Variants in RALY observed in about 807,000 individuals in gnomAD.
RALY encodes the protein RNA-binding protein Raly.
In RALY, 15 loss-of-function variants were observed where a neutral mutation model predicts 30.7. That is an observed-to-expected ratio of 0.49 (90% CI 0.33 to 0.75). The LOEUF is 0.75. RALY is among the 30% of genes least tolerant of loss of function. The pLI is 0.02. For missense variants in RALY, 339 were observed against 414.3 expected (o/e 0.82, Z 1.58); for synonymous variants, 177 against 170.8 (o/e 1.04, Z -0.28).
intron 2 of RALY, among the ~76,000 whole-genome samples, chr20:34,043,907 C>T (rs1328598061): frequency 6.6e-6 from 1 of 151,904 alleles, no homozygotes; most frequent in East Asian, 1.9e-4. Context: ...TGAATGGAAA[C>T]CTGGAGAGAG....
intron 3 of RALY, 99 bp downstream of exon 3, chr20:34,072,429 C>A (rs1250573967): frequency 7.2e-7 from 1 of 1,387,202 alleles, no homozygotes. Flanking sequence ...ACCGCTACCA[C>A]TGCTCTGAGA....
intron 2 of RALY, among the ~76,000 whole-genome samples, chr20:34,070,384 T>C (rs1176224931): frequency 6.6e-6 from 1 of 152,156 alleles, no homozygotes; most frequent in Non-Finnish European, 1.5e-5. Context: ...TCTTGGAGCC[T>C]ATGCCCAGCC....
At chr20:34,034,240 T>C (rs568657408) in intron 2 of RALY, among the ~76,000 whole-genome samples, 1 of 152,344 alleles carries the variant, frequency 6.6e-6, no homozygotes, top group Admixed American at 6.5e-5. Context: ...CCAGTTTTTC[T>C]ACCATCTTGT....
intron 2 of RALY, among the ~76,000 whole-genome samples, chr20:34,032,862 G>T (rs964912038): frequency 2.1e-4 from 32 of 152,070 alleles, no homozygotes; most frequent in African/African-American, 7.5e-4. Flanking sequence ...AGTTCAAGAA[G>T]GCCTACTTAC....
At chr20:34,076,657 C>T (rs2033886358) in intron 6 of RALY, 45 bp from the exon 7 acceptor site, 1 of 1,524,074 alleles carries the variant, frequency 6.6e-7, no homozygotes, top group Non-Finnish European at 9.1e-7. Flanking sequence ...TAGTGTCAAG[C>T]CTCCAGCCCC....
intron 1 of RALY, among the ~76,000 whole-genome samples, chr20:34,021,066 A>G (rs1327208925): frequency 6.6e-6 from 1 of 151,790 alleles, no homozygotes; most frequent in Non-Finnish European, 1.5e-5. Context: ...GGTTCAAGCG[A>G]TTCTTGTGCC....
chr20:34,021,041 A>G (rs2031799692), intron 1 of RALY, among the ~76,000 whole-genome samples: 1 of 152,016 alleles, frequency 6.6e-6, no homozygotes, highest in Admixed American at 6.5e-5. Context: ...GGCTCACTGC[A>G]ACCTCCGCCT....
At chr20:34,060,841 C>G (rs2033395549) in intron 2 of RALY, among the ~76,000 whole-genome samples, 1 of 152,174 alleles carries the variant, frequency 6.6e-6, no homozygotes, top group African/African-American at 2.4e-5. Flanking sequence ...AAGCAAAAAG[C>G]AGTTTTGTAC....
At chr20:34,073,531 GCATTCCAA>G (rs2033790933) in intron 3 of RALY, 24 bp from the exon 4 acceptor site, 4 of 1,532,642 alleles carry the variant, frequency 2.6e-6, no homozygotes, top group Non-Finnish European at 3.6e-6. Flanking sequence ...TGTCATGTTA[GCATTCCAA>G]CTCTGCCTTC....
At chr20:34,032,590 G>A (rs1355264232) in intron 2 of RALY, among the ~76,000 whole-genome samples, 2 of 151,970 alleles carry the variant, frequency 1.3e-5, no homozygotes, top group African/African-American at 4.8e-5. Flanking sequence ...GGGCTCGTGT[G>A]ATTCAAGTGG....
At chr20:33,998,095 G>A (rs1365272062) in intron 1 of RALY, among the ~76,000 whole-genome samples, 1 of 152,188 alleles carries the variant, frequency 6.6e-6, no homozygotes, top group African/African-American at 2.4e-5. Context: ...CCTCATTTTT[G>A]GAAAGTTTTT....
At position 34,077,030 on chromosome 20, in the gene RALY, G is replaced by A; in HGVS notation, c.661G>A (p.Gly221Ser). The A allele has an allele frequency of 1.9e-6, 3 of 1,609,402 alleles. No homozygotes were observed. Among genetic ancestry groups the A allele is most frequent in the South Asian group, 1.1e-5 (1 of 90,552 alleles). Residue 221 changes from glycine to serine, a missense_variant and splice_region_variant, in exon 8 of 10, where the codon GGC (glycine) becomes AGC (serine). Gly to Ser is a moderately conservative substitution (Grantham distance 56). Coordinates refer to ENST00000246194, the MANE Select transcript of RALY (RefSeq NM_016732.3). ...IAAEQKANPD[G>S]KKKGDGGGAG... ...CTCCTCCACCCCTTCCCCTCAAGAT[G>A]GCAAGAAGAAGGGTGATGGAGGTGG...
chr20:34,073,923 G>C, intron 5 of RALY, 57 bp downstream of exon 5: 1 of 1,573,408 alleles, frequency 6.4e-7, no homozygotes, highest in East Asian at 2.2e-5. Flanking sequence ...AGGGTCTTGA[G>C]AGATTGTTGG....
intron 2 of RALY, among the ~76,000 whole-genome samples, chr20:34,035,163 A>AAAC (rs2032438362): frequency 8.7e-6 from 1 of 114,354 alleles, no homozygotes; most frequent in Non-Finnish European, 1.6e-5. Flanking sequence ...AAAAAAAAAA[A>AAAC]AAAAAAAAAA....
chr20:34,074,468 T>C (rs554615475), intron 5 of RALY, among the ~76,000 whole-genome samples: 1 of 152,086 alleles, frequency 6.6e-6, no homozygotes, highest in Non-Finnish European at 1.5e-5. Flanking sequence ...TCCTCCCTGC[T>C]TCTCTCCCTC....
At position 34,063,262 on chromosome 20, in the gene RALY, G is replaced by A. The variant is rs1051263980; in HGVS notation, c.-9-8804G>A. Among the ~76,000 whole-genome samples, 5 of 152,184 alleles carry A rather than the reference G, an allele frequency of 3.3e-5. 1 individual carries two copies. Among genetic ancestry groups the A allele is most frequent in the East Asian group, 1.9e-4 (1 of 5,202 alleles). ...TCATGATCACATGTTTGGGCCTGGA[G>A]TACCTTTTGTGGTCACATGGTTTAA... On this transcript the variant is annotated intron_variant, in intron 2 of 9. Coordinates refer to ENST00000246194, the MANE Select transcript of RALY (RefSeq NM_016732.3).
chr20:34,010,736 G>A (rs1436997507), intron 1 of RALY, among the ~76,000 whole-genome samples: 2 of 152,178 alleles, frequency 1.3e-5, no homozygotes, highest in Non-Finnish European at 2.9e-5. Context: ...GTGATGCTAA[G>A]TAGAATTTTT....
chr20:34,007,018 A>T (rs1568650828), intron 1 of RALY, among the ~76,000 whole-genome samples: 1 of 151,846 alleles, frequency 6.6e-6, no homozygotes, highest in African/African-American at 2.4e-5. Context: ...TGTCCTCTGT[A>T]TTTTCTGTAA....
chr20:34,066,881 T>A (rs2033587960), intron 2 of RALY, among the ~76,000 whole-genome samples: 1 of 152,168 alleles, frequency 6.6e-6, no homozygotes, highest in South Asian at 2.1e-4. Flanking sequence ...ACTAAAATTC[T>A]GTACAACTGT....
Sources: gnomAD v4.1 joint callset for allele counts (sites outside exome capture counted in the v4.1 genomes callset) on GRCh38, gnomAD v4.1.1 for gene constraint, MANE v1.5 for transcripts, NCBI Gene and HGNC (gene_info 2026-07-23, HGNC 2026-07-21) for gene names.